Variants in LDB2 observed in about 807,000 individuals in gnomAD.
LDB2 encodes LIM domain binding 2, also known as LIM domain-binding protein 2.
A neutral mutation model predicts 44.3 loss-of-function variants in LDB2; 12 were observed. The observed-to-expected ratio is 0.27, with a 90% CI of 0.17 to 0.44. LDB2 has a LOEUF of 0.44. Ranked by LOEUF, LDB2 falls within the 20% of genes least tolerant of loss-of-function variation. The probability of loss-of-function intolerance (pLI) is 1.00; values close to 1 mark genes in which losing one functional copy is unlikely to be tolerated. For missense variants in LDB2, 344 were observed against 473.5 expected (o/e 0.73, Z 2.54); for synonymous variants, 164 against 174.8 (o/e 0.94, Z 0.49).
intron 1 of LDB2, among the ~76,000 whole-genome samples, chr4:16,787,486 C>T (rs1050129985): frequency 6.6e-6 from 1 of 152,026 alleles, no homozygotes; most frequent in Non-Finnish European, 1.5e-5. Flanking sequence ...TGGTGGCATG[C>T]GCCTGTAATC....
rs368276488 is a variant in LDB2, at chr4:16,796,146, G to A, written c.133-36886C>T. Among the ~76,000 whole-genome samples, 71 of 152,082 alleles carry A rather than the reference G, an allele frequency of 4.7e-4. No individual in the cohort carries two copies. In the South Asian group the frequency reaches 0.014, roughly 29 times the overall value. On this transcript the variant is annotated intron_variant, in intron 1 of 7. Transcript: ENST00000304523. ...ATCTCTACAAAAAAAAAATTAGCCC[G>A]TCATGGTGGTGTCGTGTGGTCCTAG...
chr4:16,801,063 G>A lies in LDB2; in HGVS notation c.133-41803C>T, dbSNP rs554214369. On this transcript the variant is annotated intron_variant, in intron 1 of 7. Transcript: ENST00000304523. ...TCGGATGCATGACCCTGAGGATGAAGTCAAAGCTCCCCATCTTGGTTGGCA... is the reference window on the plus strand; with the variant it reads ...TCGGATGCATGACCCTGAGGATGAAATCAAAGCTCCCCATCTTGGTTGGCA... 3.3e-4 allele frequency among the ~76,000 whole-genome samples: 50 copies of A among 152,356 alleles called. No individual in the cohort carries two copies. The Middle Eastern group carries it at 0.01, about 31-fold the overall frequency.
chr4:16,632,382 C>G (rs1036788223), intron 2 of LDB2, among the ~76,000 whole-genome samples: 3 of 152,178 alleles, frequency 2.0e-5, no homozygotes, highest in African/African-American at 7.2e-5. Context: ...CATTCAACAG[C>G]CTTTCATGCT....
intron 1 of LDB2, among the ~76,000 whole-genome samples, chr4:16,860,712 T>C (rs1712240937): frequency 6.6e-6 from 1 of 152,204 alleles, no homozygotes; most frequent in Non-Finnish European, 1.5e-5. Flanking sequence ...AACACTTGCT[T>C]CATGACCAGA....
At chr4:16,587,863 A>G (rs1211437585) in intron 4 of LDB2, among the ~76,000 whole-genome samples, 1 of 152,208 alleles carries the variant, frequency 6.6e-6, no homozygotes, top group African/African-American at 2.4e-5. Flanking sequence ...GACTGTGAGG[A>G]TTCAATATCA....
chr4:16,618,934 G>A (rs1728112486), intron 2 of LDB2, among the ~76,000 whole-genome samples: 1 of 152,140 alleles, frequency 6.6e-6, no homozygotes, highest in African/African-American at 2.4e-5. Flanking sequence ...GGTTAAGAGT[G>A]TGTAGCACCT....
intron 2 of LDB2, among the ~76,000 whole-genome samples, chr4:16,671,099 T>C (rs1314312119): frequency 1.2e-4 from 16 of 130,302 alleles, no homozygotes; most frequent in Non-Finnish European, 1.7e-5. Flanking sequence ...CTTTTTAAAA[T>C]AGCACATACA....
At chr4:16,644,429 C>CT (rs1182465425) in intron 2 of LDB2, among the ~76,000 whole-genome samples, 3,860 of 138,966 alleles carry the variant, frequency 0.028, 51 homozygotes, top group East Asian at 0.048. Context: ...ATTTTTTTTT[C>CT]TTTTTTTTTT....
At position 16,757,490 on chromosome 4, in the gene LDB2, A is replaced by T. The variant is rs374951886; in HGVS notation, c.235+1668T>A. ...TGCTGGGGTGGGATGGACAGAGGGA[A>T]GAGCCAGAATCTGTTGTATTAGGAC... On this transcript the variant is annotated intron_variant, in intron 2 of 7. Transcript: ENST00000304523. Among the ~76,000 whole-genome samples the T allele has an allele frequency of 6.6e-5, 10 of 152,330 alleles. No homozygotes were observed. The South Asian group carries it at 1.9e-3, about 28-fold the overall frequency.
chr4:16,838,430 G>A lies in LDB2; in HGVS notation c.132+59924C>T, dbSNP rs545179497. Among the ~76,000 whole-genome samples, 22 of 152,270 alleles carry A rather than the reference G, an allele frequency of 1.4e-4. No individual in the cohort carries two copies. In the East Asian group the frequency reaches 3.7e-3, roughly 25 times the overall value. The stretch of plus-strand genomic sequence containing the variant: ...TCTGTGGCTCCACATCTGGAAAGGC[G>A]ACTTTTAAACTTTATTCACAAGCTC... On this transcript the variant is annotated intron_variant, in intron 1 of 7. Coordinates refer to ENST00000304523, the MANE Select transcript of LDB2 (RefSeq NM_001290.5).
At chr4:16,675,960 G>A (rs1746197350) in intron 2 of LDB2, among the ~76,000 whole-genome samples, 1 of 152,192 alleles carries the variant, frequency 6.6e-6, no homozygotes, top group Admixed American at 6.5e-5. Flanking sequence ...ACTTGTCAGA[G>A]GAAGAGGGAA....
At chr4:16,812,582 TTATATATATATATATA>T (rs6148319) in intron 1 of LDB2, among the ~76,000 whole-genome samples, 2 of 115,550 alleles carry the variant, frequency 1.7e-5, no homozygotes, top group Admixed American at 8.4e-5. Flanking sequence ...ATCAATGAAA[TTATATATATATATATA>T]TATATATATA....
chr4:16,651,499 T>C (rs1008263945), intron 2 of LDB2, among the ~76,000 whole-genome samples: 1 of 152,188 alleles, frequency 6.6e-6, no homozygotes, highest in Non-Finnish European at 1.5e-5. Context: ...AAGAGCTGTG[T>C]CTATGTCTGG....
At chr4:16,752,461 G>A (rs145530888) in intron 2 of LDB2, 8,403 of 452,156 alleles carry the variant, frequency 0.019, 104 homozygotes, top group Non-Finnish European at 0.024. Flanking sequence ...CTTGGTTCCT[G>A]TATAGAAAGA....
At chr4:16,809,053 G>A (rs528271689) in intron 1 of LDB2, among the ~76,000 whole-genome samples, 1 of 152,300 alleles carries the variant, frequency 6.6e-6, no homozygotes, top group Non-Finnish European at 1.5e-5. Context: ...ACATGGGCAT[G>A]TATCTCTACT....
intron 5 of LDB2, among the ~76,000 whole-genome samples, chr4:16,529,922 A>T (rs935340552): frequency 1.3e-5 from 2 of 152,168 alleles, no homozygotes; most frequent in African/African-American, 4.8e-5. Context: ...TGTGTTCTTT[A>T]TGCCCTCTGG....
intron 5 of LDB2, among the ~76,000 whole-genome samples, chr4:16,514,465 T>G (rs1431580431): frequency 6.6e-6 from 1 of 152,206 alleles, no homozygotes; most frequent in Non-Finnish European, 1.5e-5. Context: ...CAGTTCTAAA[T>G]CCATCCTCTT....
At chr4:16,647,605 C>T (rs1177240302) in intron 2 of LDB2, among the ~76,000 whole-genome samples, 2 of 152,102 alleles carry the variant, frequency 1.3e-5, no homozygotes, top group East Asian at 3.9e-4. Flanking sequence ...TTCGATCTGA[C>T]CCTACTTTGC....
At chr4:16,701,022 T>C (rs1753318242) in intron 2 of LDB2, among the ~76,000 whole-genome samples, 1 of 152,128 alleles carries the variant, frequency 6.6e-6, no homozygotes, top group Admixed American at 6.5e-5. Context: ...TTTACTTATC[T>C]CCATTTTACT....
Sources: allele counts gnomAD v4.1 joint callset (sites outside exome capture counted in the v4.1 genomes callset), GRCh38; gene constraint gnomAD v4.1.1; transcripts MANE v1.5; gene names NCBI Gene and HGNC (gene_info 2026-07-23, HGNC 2026-07-21).